CNTN4: variants seen among roughly 807,000 people sequenced by gnomAD.
The protein encoded by CNTN4 is contactin-4.
CNTN4 carries 77 observed loss-of-function variants against 122.5 expected under a neutral mutation model. The observed-to-expected ratio is 0.63, with a 90% CI of 0.52 to 0.76. The LOEUF is 0.76. CNTN4 is among the 30% of genes least tolerant of loss of function. The pLI is 0.00. For synonymous variants in CNTN4, 512 were observed against 447.0 expected (o/e 1.15, Z -1.83); for missense variants, 1,256 against 1,259.1 (o/e 1.00, Z 0.04).
intron 3 of CNTN4, among the ~76,000 whole-genome samples, chr3:2,376,221 T>C (rs892540459): frequency 6.6e-6 from 1 of 152,232 alleles, no homozygotes; most frequent in African/African-American, 2.4e-5. Flanking sequence ...GAAAATGATT[T>C]GCTGTGCTGC....
intron 12 of CNTN4, among the ~76,000 whole-genome samples, chr3:2,913,774 C>T (rs2094325968): frequency 6.6e-6 from 1 of 152,138 alleles, no homozygotes; most frequent in Non-Finnish European, 1.5e-5. Context: ...AATAAGGAAG[C>T]AGAGGATGTG....
chr3:2,402,595 C>A (rs1241139599), intron 3 of CNTN4, among the ~76,000 whole-genome samples: 2 of 151,970 alleles, frequency 1.3e-5, no homozygotes, highest in African/African-American at 2.4e-5. Context: ...TTGAAATATA[C>A]AATAAATTAT....
At chr3:2,427,389 A>G (rs1286817876) in intron 3 of CNTN4, among the ~76,000 whole-genome samples, 1 of 152,108 alleles carries the variant, frequency 6.6e-6, no homozygotes, top group Non-Finnish European at 1.5e-5. Flanking sequence ...GTTTTGAGTG[A>G]GTTTCTTAAT....
chr3:2,467,072 A>G (rs549278376), intron 3 of CNTN4, among the ~76,000 whole-genome samples: 4 of 150,836 alleles, frequency 2.7e-5, no homozygotes, highest in South Asian at 4.2e-4. Flanking sequence ...CCTTATTTAA[A>G]AAAAGTCTTC....
chr3:2,352,463 G>C (rs552323940), intron 3 of CNTN4, among the ~76,000 whole-genome samples: 1 of 152,182 alleles, frequency 6.6e-6, no homozygotes, highest in African/African-American at 2.4e-5. Context: ...GTAGGTGCAG[G>C]CTCCACGGGC....
intron 3 of CNTN4, among the ~76,000 whole-genome samples, chr3:2,452,699 T>A (rs1213194540): frequency 1.3e-5 from 2 of 152,130 alleles, no homozygotes; most frequent in Non-Finnish European, 2.9e-5. Context: ...CTTCTGTTTA[T>A]GAGTTGGAAA....
chr3:2,772,422 T>C (rs1470166316), intron 6 of CNTN4, among the ~76,000 whole-genome samples: 1 of 148,344 alleles, frequency 6.7e-6, no homozygotes, highest in Non-Finnish European at 1.5e-5. Context: ...GAGTAAAGAG[T>C]ACAGAAAGAA....
At chr3:2,795,602 G>C (rs371378850) in intron 6 of CNTN4, among the ~76,000 whole-genome samples, 5 of 150,600 alleles carry the variant, frequency 3.3e-5, no homozygotes, top group African/African-American at 1.2e-4. Context: ...CTCAGTGCAA[G>C]CTCTGCCTCC....
intron 3 of CNTN4, among the ~76,000 whole-genome samples, chr3:2,384,863 T>C (rs967245699): frequency 6.6e-6 from 1 of 152,192 alleles, no homozygotes; most frequent in Non-Finnish European, 1.5e-5. Context: ...TTTTAACCTA[T>C]TTTTGCAGAT....
intron 6 of CNTN4, among the ~76,000 whole-genome samples, chr3:2,746,205 G>GA (rs1268025673): frequency 6.6e-6 from 1 of 151,892 alleles, no homozygotes; most frequent in Non-Finnish European, 1.5e-5. Context: ...GTGAGAGTTG[G>GA]AAAAAAACTC....
chr3:2,778,030 C>A (rs549226553), intron 6 of CNTN4, among the ~76,000 whole-genome samples: 2 of 151,340 alleles, frequency 1.3e-5, no homozygotes, highest in East Asian at 2.0e-4. Flanking sequence ...CTGGCTAACA[C>A]GGTGAAACCC....
At chr3:2,316,706 G>A (rs1214683974) in intron 2 of CNTN4, among the ~76,000 whole-genome samples, 1 of 151,920 alleles carries the variant, frequency 6.6e-6, no homozygotes, top group Non-Finnish European at 1.5e-5. Flanking sequence ...TTAGATTTAA[G>A]TTATAATTAA....
At chr3:2,747,664 G>T (rs2089869408) in intron 6 of CNTN4, among the ~76,000 whole-genome samples, 1 of 152,140 alleles carries the variant, frequency 6.6e-6, no homozygotes, top group Non-Finnish European at 1.5e-5. Context: ...TCAGTTCGTG[G>T]TGGGTTGACC....
intron 3 of CNTN4, among the ~76,000 whole-genome samples, chr3:2,374,784 TGA>T (rs1467249810): frequency 6.6e-6 from 1 of 152,150 alleles, no homozygotes; most frequent in Admixed American, 6.5e-5. Context: ...AAAATATACA[TGA>T]ATGTTTAAAT....
intron 4 of CNTN4, among the ~76,000 whole-genome samples, chr3:2,669,548 G>A (rs2150362014): frequency 6.6e-6 from 1 of 152,062 alleles, no homozygotes; most frequent in Non-Finnish European, 1.5e-5. Context: ...ACCACCTCCT[G>A]GATTCATTGA....
intron 2 of CNTN4, among the ~76,000 whole-genome samples, chr3:2,289,682 G>A (rs563557478): frequency 5.3e-5 from 8 of 152,108 alleles, no homozygotes; most frequent in Admixed American, 1.3e-4. Context: ...AGTGCTTCCC[G>A]CTTCCCCGTA....
intron 2 of CNTN4, among the ~76,000 whole-genome samples, chr3:2,116,707 C>CAT (rs1267921098): frequency 2.6e-5 from 4 of 152,084 alleles, no homozygotes; most frequent in Admixed American, 2.6e-4. Flanking sequence ...TCTTTATGTG[C>CAT]ATTGTGAAAT....
chr3:2,860,133 G>C (rs534266747), intron 7 of CNTN4, among the ~76,000 whole-genome samples: 3 of 152,332 alleles, frequency 2.0e-5, no homozygotes, highest in African/African-American at 7.2e-5. Flanking sequence ...GGTTGGATGA[G>C]ATTTAGTACT....
At position 2,237,093 on chromosome 3, in the gene CNTN4, A is replaced by C. The variant is rs552935364; in HGVS notation, c.-144-102085A>C. On this transcript the variant is annotated intron_variant, in intron 2 of 24. Coordinates refer to ENST00000418658, the MANE Select transcript of CNTN4 (RefSeq NM_175607.3). ...ATTGAAGAATTTTGGCCTTTTCTCTATGAGTAATGGGAAGACAGTGAAGCA... is the reference window on the plus strand; with the variant it reads ...ATTGAAGAATTTTGGCCTTTTCTCTCTGAGTAATGGGAAGACAGTGAAGCA... Among the ~76,000 whole-genome samples, 24 of 152,258 alleles carry C rather than the reference A, an allele frequency of 1.6e-4. No homozygotes were observed. In the South Asian group the frequency reaches 4.6e-3, roughly 29 times the overall value.
Sources: allele counts gnomAD v4.1 joint callset (sites outside exome capture counted in the v4.1 genomes callset), GRCh38; gene constraint gnomAD v4.1.1; transcripts MANE v1.5; gene names NCBI Gene and HGNC (gene_info 2026-07-23, HGNC 2026-07-21).